Variants in RARS1 observed in about 807,000 individuals in gnomAD.
RARS1 encodes arginine--tRNA ligase, cytoplasmic.
RARS1 carries 75 observed loss-of-function variants against 78.7 expected under a neutral mutation model. The observed-to-expected ratio is 0.95, with a 90% confidence interval of 0.79 to 1.15. The LOEUF (loss-of-function observed/expected upper bound fraction) is 1.15. Among genes scored for constraint, RARS1 ranks in the 50% most tolerant of loss-of-function variants. RARS1 has a pLI of 0.00. For missense variants in RARS1, 787 were observed against 787.5 expected (o/e 1.00, Z 0.01); for synonymous variants, 273 against 268.2 (o/e 1.02, Z -0.18).
Position 168,506,704 on chromosome 5 carries a change from T to G in RARS1, c.1237-18T>G, listed in dbSNP as rs757000737. Reference sequence around the variant, plus strand: ...TCTTTAAAGAAGACTAGCAAGTAACTTTCCGTTTCTGTTGTAGTCTGTGCA... The same window carrying G: ...TCTTTAAAGAAGACTAGCAAGTAACGTTCCGTTTCTGTTGTAGTCTGTGCA... On this transcript the variant is annotated intron_variant, in intron 10 of 14. Coordinates refer to ENST00000231572, the MANE Select transcript of RARS1 (RefSeq NM_002887.4). The G allele has an allele frequency of 5.1e-6, 8 of 1,564,532 alleles. No homozygotes were observed. The highest frequency in any genetic ancestry group is 7.0e-6 in the Non-Finnish European group (8 of 1,144,244).
intron 2 of RARS1, among the ~76,000 whole-genome samples, chr5:168,491,946 C>CT (rs149780336): frequency 0.062 from 6,375 of 102,520 alleles, 222 homozygotes; most frequent in Non-Finnish European, 0.075. Context: ...TGTCATTCAC[C>CT]TTTTTTTTTT....
intron 4 of RARS1, chr5:168,494,307 A>T: frequency 1.0e-6 from 1 of 985,436 alleles, no homozygotes; most frequent in Non-Finnish European, 1.2e-6. Flanking sequence ...TAAGAGGCGA[A>T]CAGATTGTTT....
At chr5:168,497,202 A>G in intron 6 of RARS1, 26 bp from the exon 7 acceptor site, 1 of 1,398,658 alleles carries the variant, frequency 7.1e-7, no homozygotes, top group Non-Finnish European at 9.4e-7. Flanking sequence ...TTAAAAAATG[A>G]TTATATATTC....
In RARS1 at chr5:168,519,200, G is replaced by A; in HGVS notation, c.*10G>A. 1 of 1,598,344 alleles carries A rather than the reference G, an allele frequency of 6.3e-7. No individual in the cohort carries two copies. The highest frequency in any genetic ancestry group is 8.6e-7 in the Non-Finnish European group (1 of 1,167,248). On this transcript the variant is annotated 3_prime_UTR_variant, in exon 15 of 15. Coordinates refer to ENST00000231572, the MANE Select transcript of RARS1 (RefSeq NM_002887.4). ...TGTCCAAAGGATGTAATCCTTCATA[G>A]GTTTGAACACTGTGTGTTTTTACCA... is the stretch of plus-strand genomic sequence containing the variant.
intron 12 of RARS1, 69 bp from the exon 13 acceptor site, chr5:168,516,709 T>C: frequency 6.0e-6 from 9 of 1,491,856 alleles, no homozygotes; most frequent in Non-Finnish European, 8.3e-6. Flanking sequence ...CCCAGTCTTA[T>C]GCCTATGAGA....
At chr5:168,512,578 A>T (rs547842479) in intron 12 of RARS1, among the ~76,000 whole-genome samples, 1 of 152,338 alleles carries the variant, frequency 6.6e-6, no homozygotes, top group African/African-American at 2.4e-5. Flanking sequence ...ACAAGGTCCC[A>T]CAATAGGCTG....
intron 11 of RARS1, among the ~76,000 whole-genome samples, chr5:168,508,994 G>GGT (rs1554122777): frequency 2.0e-5 from 3 of 149,616 alleles, no homozygotes; most frequent in African/African-American, 7.4e-5. Flanking sequence ...TTAGGCATCT[G>GGT]TTTTTTTTTT....
At chr5:168,494,459 G>T in intron 4 of RARS1, 91 bp from the exon 5 acceptor site, 1 of 1,548,026 alleles carries the variant, frequency 6.5e-7, no homozygotes. Flanking sequence ...AATTTTGCCA[G>T]AGCCAGGTCA....
chr5:168,518,692 T>C (rs1241483300), intron 14 of RARS1, among the ~76,000 whole-genome samples: 1 of 152,196 alleles, frequency 6.6e-6, no homozygotes, highest in Non-Finnish European at 1.5e-5. Context: ...TAATGTATTA[T>C]AAGGCAAGTA....
Position 168,505,714 on chromosome 5 carries a change from GAAA to G in RARS1, c.1058-288_1058-286del, listed in dbSNP as rs60743864. ...CGTAGCAAGACTGTGTATCAAAAAA[GAAA>G]AAAAAAAAAAAAAAAAAAGCAGTTG... On this transcript the variant is annotated intron_variant, in intron 9 of 14. Coordinates refer to ENST00000231572, the MANE Select transcript of RARS1 (RefSeq NM_002887.4). Among the ~76,000 whole-genome samples, 1,310 of 114,226 alleles carry G rather than the reference GAAA, an allele frequency of 0.011. 19 individuals are homozygous for G. Among genetic ancestry groups the G allele is most frequent in the African/African-American group, 0.036 (1,098 of 30,466 alleles). 74.9% of individuals were successfully genotyped at this position (114,226 alleles called of 152,430 possible). A position where few individuals can be genotyped will look rare whatever the true frequency, so the allele number is the denominator to read the frequency against.
At chr5:168,502,646 A>T (rs1228344969) in intron 9 of RARS1, among the ~76,000 whole-genome samples, 1 of 142,578 alleles carries the variant, frequency 7.0e-6, no homozygotes, top group Admixed American at 7.5e-5. Flanking sequence ...ATCTCGGCTG[A>T]CTGCAACCTC....
intron 8 of RARS1, among the ~76,000 whole-genome samples, chr5:168,501,735 T>C (rs1227703826): frequency 6.6e-6 from 1 of 152,000 alleles, no homozygotes; most frequent in Non-Finnish European, 1.5e-5. Flanking sequence ...AAAATAATAA[T>C]AAAAAGAAAG....
At position 168,519,105 on chromosome 5, in the gene RARS1, G is replaced by A; in HGVS notation, c.1898G>A (p.Trp633Ter). ...GGAAAAATATTGAAGGTGAACATGT[G>A]GCGTATGCTGCTATGTGAAGCAGTA... ...QTGKILKVNM[W>*]RMLLCEAVAA... Residue 633 changes from tryptophan (W) to a stop codon, truncating the protein, a stop_gained, in exon 15 of 15, where the codon TGG becomes TAG. Transcript: ENST00000231572. LOFTEE classifies it high-confidence loss of function. The A allele has an allele frequency of 3.1e-6, 5 of 1,613,542 alleles. No homozygotes were observed. Among genetic ancestry groups the A allele is most frequent in the Non-Finnish European group, 8.5e-7 (1 of 1,179,750 alleles).
At chr5:168,512,480 G>T (rs1398501100) in intron 12 of RARS1, among the ~76,000 whole-genome samples, 2 of 152,090 alleles carry the variant, frequency 1.3e-5, no homozygotes, top group African/African-American at 4.8e-5. Flanking sequence ...ACCCACATTG[G>T]TGTATTAGTC....
chr5:168,504,438 G>T (rs1489918333), intron 9 of RARS1, among the ~76,000 whole-genome samples: 1 of 151,134 alleles, frequency 6.6e-6, no homozygotes, highest in Non-Finnish European at 1.5e-5. Flanking sequence ...CAGAGGAGTC[G>T]CTTGAACCCG....
In RARS1 at chr5:168,500,687, G is replaced by A. The variant is rs1043340334; in HGVS notation, c.919G>A (p.Ala307Thr). Residue 307 changes from alanine to threonine, a missense_variant, in exon 8 of 15, where the codon GCT becomes ACT. Physicochemically the swap from Ala to Thr is moderately conservative, Grantham distance 58. Transcript: ENST00000231572. ...LQGKNPDITK[A>T]WKLICDVSRQ... ...GGGTAAAAACCCAGATATTACAAAA[G>A]CTTGGAAGCTTATCTGTGATGTCTC... is the stretch of plus-strand genomic sequence containing the variant. 6.2e-7 allele frequency: 1 copy of A among 1,610,156 alleles called. No individual in the cohort carries two copies. Among genetic ancestry groups the A allele is most frequent in the African/African-American group, 1.3e-5 (1 of 74,550 alleles).
intron 11 of RARS1, among the ~76,000 whole-genome samples, chr5:168,508,115 ATTAC>A (rs1758487184): frequency 1.3e-5 from 2 of 152,288 alleles, no homozygotes; most frequent in South Asian, 4.2e-4. Context: ...TAAGTTGATC[ATTAC>A]TTAATAGTAT....
At chr5:168,489,777 T>A (rs1758043917) in intron 2 of RARS1, among the ~76,000 whole-genome samples, 1 of 151,932 alleles carries the variant, frequency 6.6e-6, no homozygotes, top group African/African-American at 2.4e-5. Context: ...CCTTAGACTC[T>A]ATCTTCCCCA....
intron 8 of RARS1, among the ~76,000 whole-genome samples, chr5:168,501,653 G>A (rs1758325441): frequency 6.6e-6 from 1 of 152,130 alleles, no homozygotes; most frequent in African/African-American, 2.4e-5. Flanking sequence ...AACCCGGGAG[G>A]CGGAGGTTGC....
Sources: allele counts gnomAD v4.1 joint callset (sites outside exome capture counted in the v4.1 genomes callset), GRCh38; gene constraint gnomAD v4.1.1; transcripts MANE v1.5; gene names NCBI Gene and HGNC (gene_info 2026-07-23, HGNC 2026-07-21).